GRID2: variants seen among roughly 807,000 people sequenced by gnomAD.
GRID2 encodes the protein glutamate ionotropic receptor delta type subunit 2.
A neutral mutation model predicts 114.8 loss-of-function variants in GRID2; 33 were observed. That is an observed-to-expected ratio of 0.29 (90% CI 0.22 to 0.38). The LOEUF is 0.38. Ranked by LOEUF, GRID2 falls within the 10% of genes least tolerant of loss-of-function variation. GRID2 has a pLI of 1.00. For missense variants in GRID2, 1,184 were observed against 1,257.7 expected (o/e 0.94, Z 0.89); for synonymous variants, 505 against 449.9 (o/e 1.12, Z -1.55).
At chr4:93,795,974 G>T (rs1734791955) in intron 1 of GRID2, among the ~76,000 whole-genome samples, 1 of 152,166 alleles carries the variant, frequency 6.6e-6, no homozygotes, top group East Asian at 1.9e-4. Flanking sequence ...CTGGAGCCCG[G>T]AGTTCTCTTC....
chr4:93,802,454 G>A (rs1447149326), intron 1 of GRID2, among the ~76,000 whole-genome samples: 1 of 152,084 alleles, frequency 6.6e-6, no homozygotes, highest in Non-Finnish European at 1.5e-5. Context: ...ACATAAAAAG[G>A]AGCAGATTTC....
chr4:93,302,099 A>G (rs1326311833), intron 8 of GRID2, among the ~76,000 whole-genome samples: 1 of 152,170 alleles, frequency 6.6e-6, no homozygotes, highest in Non-Finnish European at 1.5e-5. Context: ...AGAAGAAAAA[A>G]TATGTATTTT....
intron 2 of GRID2, among the ~76,000 whole-genome samples, chr4:92,829,826 A>G (rs907151187): frequency 6.6e-6 from 1 of 151,992 alleles, no homozygotes; most frequent in African/African-American, 2.4e-5. Flanking sequence ...GCAAACTAAC[A>G]CAGCAATGGA....
At chr4:93,645,593 A>G (rs1722036342) in intron 14 of GRID2, among the ~76,000 whole-genome samples, 1 of 152,160 alleles carries the variant, frequency 6.6e-6, no homozygotes, top group African/African-American at 2.4e-5. Flanking sequence ...CACAAACCTA[A>G]TTAAATCTCT....
chr4:92,903,933 C>A (rs1174918486), intron 2 of GRID2, among the ~76,000 whole-genome samples: 1 of 151,902 alleles, frequency 6.6e-6, no homozygotes, highest in East Asian at 1.9e-4. Flanking sequence ...AGGGAAGTAT[C>A]TATGCTTATG....
chr4:92,874,996 CA>C (rs1357459650), intron 2 of GRID2, among the ~76,000 whole-genome samples: 2 of 151,910 alleles, frequency 1.3e-5, no homozygotes, highest in African/African-American at 4.8e-5. Flanking sequence ...AGTGTGTATC[CA>C]TAAAATCAGT....
chr4:92,894,453 A>T (rs927723637), intron 2 of GRID2, among the ~76,000 whole-genome samples: 1 of 152,158 alleles, frequency 6.6e-6, no homozygotes, highest in South Asian at 2.1e-4. Context: ...GGGGTTTTAC[A>T]TTTGAAGTTT....
At chr4:92,965,220 C>G (rs538322308) in intron 2 of GRID2, among the ~76,000 whole-genome samples, 8 of 151,590 alleles carry the variant, frequency 5.3e-5, no homozygotes, top group Admixed American at 5.3e-4. Context: ...TGATTAAGAT[C>G]GATTCATTTT....
chr4:93,581,360 G>A (rs920959930), intron 13 of GRID2, among the ~76,000 whole-genome samples: 13 of 152,078 alleles, frequency 8.5e-5, no homozygotes, highest in Admixed American at 7.9e-4. Context: ...GTTATTTGTA[G>A]AATAAAACAG....
chr4:93,492,207 A>G (rs974301585), intron 12 of GRID2, among the ~76,000 whole-genome samples: 1 of 151,954 alleles, frequency 6.6e-6, no homozygotes, highest in Non-Finnish European at 1.5e-5. Context: ...TTATGAAAAT[A>G]ATAATAAACA....
chr4:93,565,271 C>G (rs1560759199), intron 13 of GRID2, among the ~76,000 whole-genome samples: 2 of 151,970 alleles, frequency 1.3e-5, no homozygotes, highest in African/African-American at 4.8e-5. Context: ...ACCAGTAAAA[C>G]TGAGAAAATC....
At chr4:92,514,167 A>AT (rs1171015288) in intron 1 of GRID2, among the ~76,000 whole-genome samples, 1 of 151,878 alleles carries the variant, frequency 6.6e-6, no homozygotes, top group African/African-American at 2.4e-5. Context: ...TAACAGCCTT[A>AT]ATTTCACATA....
At chr4:92,842,234 T>C (rs1414460633) in intron 2 of GRID2, among the ~76,000 whole-genome samples, 1 of 152,120 alleles carries the variant, frequency 6.6e-6, no homozygotes, top group Non-Finnish European at 1.5e-5. Context: ...ATAAGTTATT[T>C]GTTTTACTTG....
At chr4:93,410,314 TGTAA>T (rs1482771298) in intron 9 of GRID2, among the ~76,000 whole-genome samples, 9 of 152,310 alleles carry the variant, frequency 5.9e-5, no homozygotes, top group East Asian at 1.9e-4. Flanking sequence ...TCTTTTCTCG[TGTAA>T]GTGTCTCAGA....
chr4:92,553,789 T>C (rs1726714616), intron 1 of GRID2, among the ~76,000 whole-genome samples: 1 of 152,152 alleles, frequency 6.6e-6, no homozygotes, highest in Non-Finnish European at 1.5e-5. Context: ...TAGCTGGGAC[T>C]ACAGGCATGT....
chr4:93,319,093 T>C (rs923594780), intron 8 of GRID2, among the ~76,000 whole-genome samples: 1 of 152,078 alleles, frequency 6.6e-6, no homozygotes, highest in Non-Finnish European at 1.5e-5. Flanking sequence ...TCATTGGTTC[T>C]TGTGAGCTGG....
intron 2 of GRID2, among the ~76,000 whole-genome samples, chr4:92,602,293 A>G (rs1729255309): frequency 6.6e-6 from 1 of 152,138 alleles, no homozygotes; most frequent in Non-Finnish European, 1.5e-5. Flanking sequence ...ACATCGATGT[A>G]AAAATCATCA....
chr4:93,301,139 C>T (rs534956310), intron 8 of GRID2, among the ~76,000 whole-genome samples: 1 of 152,090 alleles, frequency 6.6e-6, no homozygotes, highest in Non-Finnish European at 1.5e-5. Context: ...CTCTCTCTTC[C>T]CTCAATACAC....
At chr4:93,040,175 T>C (rs1725368196) in intron 2 of GRID2, among the ~76,000 whole-genome samples, 1 of 151,984 alleles carries the variant, frequency 6.6e-6, no homozygotes, top group South Asian at 2.1e-4. Context: ...CTCAATTTCA[T>C]TTACTTTAAT....
Sources: allele counts gnomAD v4.1 joint callset (sites outside exome capture counted in the v4.1 genomes callset), GRCh38; gene constraint gnomAD v4.1.1; transcripts MANE v1.5; gene names NCBI Gene and HGNC (gene_info 2026-07-23, HGNC 2026-07-21).